Variants in REPIN1 observed in about 807,000 individuals in gnomAD.
The protein encoded by REPIN1 is DNA-binding protein REPIN1.
Under a neutral mutation model 5.7 loss-of-function variants are expected in REPIN1, and 4 were observed. The observed-to-expected ratio is 0.71, with a 90% CI of 0.35 to 1.62. REPIN1 has a LOEUF of 1.62. Ranked by LOEUF, REPIN1 falls within the 40% of genes most tolerant of loss-of-function variation. REPIN1 has a pLI of 0.05. For missense variants in REPIN1, 854 were observed against 901.0 expected (o/e 0.95, Z 0.67); for synonymous variants, 410 against 386.2 (o/e 1.06, Z -0.72).
In REPIN1 at chr7:150,371,487, G is replaced by C. The variant is rs999008461; in HGVS notation, c.417G>C (p.Arg139=). ...LWLHTRRCQA[R]LPLPCPECGR... is the part of the protein sequence containing the mutation. Reference sequence around the variant, plus strand: ...TTCACACCCGCCGGTGCCAGGCCCGGCTGCCCTTGCCCTGCCCTGAGTGTG... The same window carrying C: ...TTCACACCCGCCGGTGCCAGGCCCGCCTGCCCTTGCCCTGCCCTGAGTGTG... The change falls in exon 3 of 3, where the codon CGG becomes CGC. Residue 139 remains arginine (R), a synonymous_variant. Coordinates refer to ENST00000489432, the MANE Select transcript of REPIN1 (RefSeq NM_001099695.2). The C allele has an allele frequency of 2.5e-6, 4 of 1,606,742 alleles. No homozygotes were observed. In the African/African-American group the frequency reaches 4.0e-5, roughly 16 times the overall value.
At position 150,373,126 on chromosome 7, in the gene REPIN1, C is replaced by G. The variant is rs575742388; in HGVS notation, c.*181C>G. ...TAGCGAGAGAGGTCAACCCCGGTGG[C>G]CAGGGAACCCACTTCCAAGCGCAGG... is the stretch of plus-strand genomic sequence containing the variant. On this transcript the variant is annotated 3_prime_UTR_variant, in exon 3 of 3. Coordinates refer to ENST00000489432, the MANE Select transcript of REPIN1 (RefSeq NM_001099695.2). The G allele has an allele frequency of 1.3e-5, 11 of 874,690 alleles. No individual in the cohort carries two copies. In the African/African-American group the frequency reaches 1.7e-4, roughly 14 times the overall value. 54.2% of individuals were successfully genotyped at this position (874,690 alleles called of 1,614,324 possible). A position where few individuals can be genotyped will look rare whatever the true frequency, so the allele number is the denominator to read the frequency against.
At position 150,372,129 on chromosome 7, in the gene REPIN1, G is replaced by A; in HGVS notation, c.1059G>A (p.Glu353=). Residue 353 remains glutamate, a synonymous_variant, in exon 3 of 3, where the codon GAG becomes GAA. Coordinates refer to ENST00000489432, the MANE Select transcript of REPIN1 (RefSeq NM_001099695.2). ...GCGAGAAGCCCTACCCGTGCAAAGAGTGCGGCCGCCGCTTCCGGCACAAAC... is the reference window on the plus strand; with the variant it reads ...GCGAGAAGCCCTACCCGTGCAAAGAATGCGGCCGCCGCTTCCGGCACAAAC... ...HTGEKPYPCK[E]CGRRFRHKPN... 6.2e-7 allele frequency: 1 copy of A among 1,610,464 alleles called. No individual in the cohort carries two copies. Among genetic ancestry groups the A allele is most frequent in the Non-Finnish European group, 8.5e-7 (1 of 1,179,006 alleles).
chr7:150,373,578 A>ACCG lies in REPIN1; in HGVS notation c.*633_*634insCCG. On this transcript the variant is annotated 3_prime_UTR_variant, in exon 3 of 3. Transcript: ENST00000489432. Reference sequence around the variant, plus strand: ...TCTTCCTTCCCAAAGAGCAGATCCCAAGGCATTTACTCCTTGGTCTGTCTC... The same window carrying ACCG: ...TCTTCCTTCCCAAAGAGCAGATCCCACCGAGGCATTTACTCCTTGGTCTGTCTC... The ACCG allele has an allele frequency of 1.2e-5, 2 of 169,024 alleles. No homozygotes were observed. The highest frequency in any genetic ancestry group is 6.4e-5 in the Admixed American group (1 of 15,696). 10.5% of individuals were successfully genotyped at this position (169,024 alleles called of 1,614,324 possible). A position where few individuals can be genotyped will look rare whatever the true frequency, so the allele number is the denominator to read the frequency against.
In REPIN1 at chr7:150,369,813, G is replaced by A. The variant is rs1269287653; in HGVS notation, c.102G>A (p.Arg34=). The A allele has an allele frequency of 6.2e-7, 1 of 1,613,680 alleles. No homozygotes were observed. The highest frequency in any genetic ancestry group is 2.2e-5 in the East Asian group (1 of 44,878). ...GCTGCAGCCGCGGAAGTATCCCCAG[G>A]AACATCCCCAAGAGGAGCTGGAAAA... ...SRRCSRGSIP[R]NIPKRSWKKP... is the part of the protein sequence containing the mutation. Residue 34 remains arginine (R), a synonymous_variant, in exon 2 of 3, where the codon AGG becomes AGA. Coordinates refer to ENST00000489432, the MANE Select transcript of REPIN1 (RefSeq NM_001099695.2).
Position 150,372,040 on chromosome 7 carries a change from C to T in REPIN1, c.970C>T (p.Pro324Ser), listed in dbSNP as rs1384526374. The T allele has an allele frequency of 6.2e-7, 1 of 1,612,096 alleles. No individual in the cohort carries two copies. The highest frequency in any genetic ancestry group is 2.2e-5 in the East Asian group (1 of 44,816). ...VHTGERPHQC[P>S]ECGKRFTNKP... is the part of the protein sequence containing the mutation. ...CACGGGCGAGCGGCCCCACCAGTGC[C>T]CCGAGTGCGGGAAGCGCTTTACCAA... is the stretch of plus-strand genomic sequence containing the variant. Residue 324 changes from proline to serine, a missense_variant, in exon 3 of 3, where the codon CCC (proline) becomes TCC (serine). Around this residue, in one of 5 missense-constraint regions of REPIN1, gnomAD observed 327 missense variants for 307.8 expected, o/e 1.06. Coordinates refer to ENST00000489432, the MANE Select transcript of REPIN1 (RefSeq NM_001099695.2).
In REPIN1 at chr7:150,371,626, G is replaced by T; in HGVS notation, c.556G>T (p.Val186Leu). The part of the protein sequence containing the change: ...HLCGQSFRGW[V>L]ALVLHLRAHS... ...CTGTGGGCAGAGCTTCCGAGGCTGGGTGGCCCTGGTTCTGCATCTGCGGGC... is the reference window on the plus strand; with the variant it reads ...CTGTGGGCAGAGCTTCCGAGGCTGGTTGGCCCTGGTTCTGCATCTGCGGGC... Residue 186 changes from valine (V) to leucine (L), a missense_variant, in exon 3 of 3, where the codon GTG becomes TTG. Coordinates refer to ENST00000489432, the MANE Select transcript of REPIN1 (RefSeq NM_001099695.2). 6.2e-7 allele frequency: 1 copy of T among 1,605,012 alleles called. No individual in the cohort carries two copies.
chr7:150,369,211 C>T (rs1344914629), intron 1 of REPIN1, among the ~76,000 whole-genome samples: 1 of 152,262 alleles, frequency 6.6e-6, no homozygotes, highest in East Asian at 1.9e-4. Flanking sequence ...CGGTGTGGGG[C>T]TTCTGCCACC....
chr7:150,368,553 CG>C (rs1246517248), upstream of REPIN1, among the ~76,000 whole-genome samples: 1 of 152,102 alleles, frequency 6.6e-6, no homozygotes, highest in East Asian at 1.9e-4. Context: ...GACAAAGGGT[CG>C]GGAAACTTGA....
chr7:150,371,723 G>C lies in REPIN1; in HGVS notation c.653G>C (p.Arg218Pro). The C allele has an allele frequency of 1.9e-6, 3 of 1,608,694 alleles. No homozygotes were observed. The highest frequency in any genetic ancestry group is 2.2e-5 in the East Asian group (1 of 44,878). Residue 218 changes from arginine (R) to proline (P), a missense_variant, in exon 3 of 3, where the codon CGA becomes CCA. By Grantham distance (103) the Arg-to-Pro change is moderately radical (BLOSUM62 -2). Around this residue, in one of 5 missense-constraint regions of REPIN1, gnomAD observed 409 missense variants for 418.6 expected, o/e 0.98. Transcript: ENST00000489432. ...ERRFWRRKQLRAHLRRCHPPA... is the reference protein window; with the variant it reads ...ERRFWRRKQLPAHLRRCHPPA... ...CGCTTCTGGCGACGAAAGCAGCTTC[G>C]AGCTCATCTGCGGCGGTGCCACCCT...
intron 1 of REPIN1, chr7:150,369,320 G>C (rs1248140127): frequency 2.4e-6 from 1 of 409,620 alleles, no homozygotes; most frequent in Non-Finnish European, 4.5e-6. Flanking sequence ...AATTCCTGTC[G>C]GGAGGAGGCT....
In REPIN1 at chr7:150,372,606, C is replaced by T. The variant is rs1432142957; in HGVS notation, c.1536C>T (p.Pro512=). 3.7e-6 allele frequency: 6 copies of T among 1,607,876 alleles called. No homozygotes were observed. In the African/African-American group the frequency reaches 8.0e-5, roughly 21 times the overall value. The change falls in exon 3 of 3, where the codon CCC becomes CCT. Residue 512 remains proline (P), a synonymous_variant. Transcript: ENST00000489432. ...CGGCGCATCGGCGCGACCACGCCCCCGATCGGCCCTTCGTGTGTCCCGACT... is the reference window on the plus strand; with the variant it reads ...CGGCGCATCGGCGCGACCACGCCCCTGATCGGCCCTTCGTGTGTCCCGACT... ...HLAAHRRDHA[P]DRPFVCPDCG...
rs1800070791 is a variant in REPIN1, at chr7:150,373,186, C to T, written c.*241C>T. ...CTCCAGCTGGTGTGTGCTAAGGCTC[C>T]GTCCTGACTGCCCTGTGCCCTGGAA... On this transcript the variant is annotated 3_prime_UTR_variant, in exon 3 of 3. Coordinates refer to ENST00000489432, the MANE Select transcript of REPIN1 (RefSeq NM_001099695.2). The T allele has an allele frequency of 6.6e-6, 4 of 608,724 alleles. No individual in the cohort carries two copies. Among genetic ancestry groups the T allele is most frequent in the East Asian group, 2.9e-5 (1 of 34,528 alleles). 37.7% of individuals were successfully genotyped at this position (608,724 alleles called of 1,614,324 possible).
At chr7:150,369,897 A>G in intron 2 of REPIN1, 29 bp downstream of exon 2, 3 of 1,558,948 alleles carry the variant, frequency 1.9e-6, no homozygotes, top group Non-Finnish European at 2.6e-6. Flanking sequence ...TGTGCTCCCA[A>G]ACCACGCCAC....
At chr7:150,370,453 C>G in intron 2 of REPIN1, 1 of 412,056 alleles carries the variant, frequency 2.4e-6, no homozygotes, top group Non-Finnish European at 4.5e-6. Flanking sequence ...CGTTAGACTG[C>G]CGGGAGTAGC....
At position 150,372,452 on chromosome 7, in the gene REPIN1, C is replaced by T. The variant is rs1243869678; in HGVS notation, c.1382C>T (p.Thr461Ile). 6.5e-7 allele frequency: 1 copy of T among 1,528,184 alleles called. No homozygotes were observed. The highest frequency in any genetic ancestry group is 2.4e-5 in the East Asian group (1 of 41,914). 94.7% of individuals were successfully genotyped at this position (1,528,184 alleles called of 1,614,324 possible). The part of the protein sequence containing the change: ...QRQHTGERPF[T>I]CAECGKNFGK... ...CAGCACACCGGGGAGCGGCCCTTCA[C>T]CTGCGCCGAGTGCGGGAAGAACTTC... Residue 461 changes from threonine (T) to isoleucine (I), a missense_variant, in exon 3 of 3, where the codon ACC (threonine) becomes ATC (isoleucine). Thr to Ile is a moderately conservative substitution (Grantham distance 89). Coordinates refer to ENST00000489432, the MANE Select transcript of REPIN1 (RefSeq NM_001099695.2).
upstream of REPIN1, chr7:150,368,803 G>A (rs961264874): frequency 1.0e-5 from 3 of 298,622 alleles, no homozygotes; most frequent in African/African-American, 4.4e-5. Flanking sequence ...GGCGGGGGGA[G>A]GTTGGGGACG....
rs1462338198 is a variant in REPIN1 at position 150,368,898 on chromosome 7, G to C, written c.-85G>C. The C allele has an allele frequency of 2.8e-5, 10 of 354,284 alleles. No individual in the cohort carries two copies. Among genetic ancestry groups the C allele is most frequent in the Non-Finnish European group, 5.0e-5 (10 of 198,778 alleles). The allele number at this position is 354,284 out of a possible 1,614,324, so 21.9% of individuals were successfully genotyped here. On this transcript the variant is annotated 5_prime_UTR_variant, in exon 1 of 3. Coordinates refer to ENST00000489432, the MANE Select transcript of REPIN1 (RefSeq NM_001099695.2). ...GTGGGCCGCGGAGGCCGGCCTTCGGGCTCCATGGACGGGCGCCGCGTCCCT... is the reference window on the plus strand; with the variant it reads ...GTGGGCCGCGGAGGCCGGCCTTCGGCCTCCATGGACGGGCGCCGCGTCCCT...
Position 150,372,528 on chromosome 7 carries a change from G to T in REPIN1, c.1458G>T (p.Arg486=). ...VAHSRVHSGE[R]PFACEECGRR... ...ACTCGCGCGTGCACTCCGGCGAGCG[G>T]CCCTTCGCCTGCGAGGAGTGCGGCC... The change falls in exon 3 of 3, where the codon CGG becomes CGT. Residue 486 remains arginine, a synonymous_variant. Transcript: ENST00000489432. 1 of 1,559,976 alleles carries T rather than the reference G, an allele frequency of 6.4e-7. No homozygotes were observed. Among genetic ancestry groups the T allele is most frequent in the Non-Finnish European group, 8.6e-7 (1 of 1,159,604 alleles).
rs774756618 is a variant in REPIN1, at chr7:150,371,811, C to A, written c.741C>A (p.Asp247Glu). The A allele has an allele frequency of 1.2e-6, 2 of 1,610,192 alleles. No individual in the cohort carries two copies. The highest frequency in any genetic ancestry group is 1.1e-5 in the South Asian group (1 of 90,708). The part of the protein sequence containing the change: ...GNCGRSFAQW[D>E]QLVAHKRVHV... ...GTGGCCGGAGCTTTGCCCAGTGGGA[C>A]CAGCTAGTTGCCCACAAGCGGGTGC... Residue 247 changes from aspartate to glutamate, a missense_variant, in exon 3 of 3, where the codon GAC becomes GAA. This residue lies in a region of REPIN1 where 409 missense variants were observed against 418.6 expected (regional missense o/e 0.98). Coordinates refer to ENST00000489432, the MANE Select transcript of REPIN1 (RefSeq NM_001099695.2).
Sources: allele counts gnomAD v4.1 joint callset (sites outside exome capture counted in the v4.1 genomes callset), GRCh38; gene constraint gnomAD v4.1.1; regional missense constraint gnomAD v4.1.1; transcripts MANE v1.5; gene names NCBI Gene and HGNC (gene_info 2026-07-23, HGNC 2026-07-21).